Variants in THRAP3 observed in about 807,000 individuals in gnomAD.
The protein encoded by THRAP3 is thyroid hormone receptor-associated protein 3.
A neutral mutation model predicts 101.0 loss-of-function variants in THRAP3; 16 were observed. The ratio of observed to expected loss-of-function variants is 0.16; its 90% CI spans 0.11 to 0.24. The LOEUF is 0.24. Ranked by LOEUF, THRAP3 falls within the 10% of genes least tolerant of loss-of-function variation. THRAP3 has a pLI of 1.00. For synonymous variants in THRAP3, 407 were observed against 422.6 expected (o/e 0.96, Z 0.45); for missense variants, 989 against 1,202.7 (o/e 0.82, Z 2.63).
chr1:36,216,716 C>A, the THRAP3 span, among the ~76,000 whole-genome samples: 1 of 151,750 alleles, frequency 6.6e-6, no homozygotes, highest in Non-Finnish European at 1.5e-5. Flanking sequence ...GCCCAGGAGG[C>A]TGCAGTGAGC....
At position 36,299,571 on chromosome 1, in the gene THRAP3, G is replaced by A. The variant is rs548980689; in HGVS notation, c.2304-1315G>A. 2.7e-5 allele frequency among the ~76,000 whole-genome samples: 4 copies of A among 150,934 alleles called. No homozygotes were observed. The East Asian group carries it at 8.1e-4, about 31-fold the overall frequency. On this transcript the variant is annotated intron_variant, in intron 9 of 11. Coordinates refer to ENST00000354618, the MANE Select transcript of THRAP3 (RefSeq NM_005119.4). ...GCTGGAGTGCAATGATATGATCTCG[G>A]CTCACTGCAACCTCTGCCTCCTGGG...
chr1:36,278,643 G>A (rs913037330), intron 2 of THRAP3, among the ~76,000 whole-genome samples: 1 of 152,148 alleles, frequency 6.6e-6, no homozygotes, highest in African/African-American at 2.4e-5. Context: ...CTGTCCTTGT[G>A]CCAGGCGTGG....
At chr1:36,250,214 CTTTT>C (rs55959529) in intron 1 of THRAP3, among the ~76,000 whole-genome samples, 4 of 140,552 alleles carry the variant, frequency 2.8e-5, no homozygotes, top group Admixed American at 7.2e-5. Flanking sequence ...ATTAGGCATA[CTTTT>C]TTTTTTTTTT....
intron 1 of THRAP3, among the ~76,000 whole-genome samples, chr1:36,257,719 A>G (rs970346591): frequency 3.9e-5 from 6 of 152,244 alleles, no homozygotes; most frequent in Non-Finnish European, 1.5e-5. Context: ...ATTCTTGCCA[A>G]TATCCAAGAA....
chr1:36,234,059 A>G (rs1308684769), intron 1 of THRAP3, among the ~76,000 whole-genome samples: 5 of 151,938 alleles, frequency 3.3e-5, no homozygotes, highest in African/African-American at 1.2e-4. Context: ...GGGCCCAGGG[A>G]GTCCTCCCAC....
chr1:36,220,424 C>T (rs1280575983), upstream of THRAP3, among the ~76,000 whole-genome samples: 1 of 152,054 alleles, frequency 6.6e-6, no homozygotes, highest in Non-Finnish European at 1.5e-5. Context: ...ACCCATAATC[C>T]CAGCACTTTG....
the THRAP3 span, among the ~76,000 whole-genome samples, chr1:36,215,148 CGA>C: frequency 2.0e-5 from 3 of 151,746 alleles, no homozygotes; most frequent in Non-Finnish European, 2.9e-5. Context: ...GGCATGAACC[CGA>C]GAGGTGGGGC....
chr1:36,263,584 A>G lies in THRAP3; in HGVS notation c.-32+4100A>G, dbSNP rs535969319. On this transcript the variant is annotated intron_variant, in intron 2 of 11. Transcript: ENST00000354618. ...AGAATTGAGAAGAAAATATTCCCCA[A>G]TGGTAACATACTCATTTAAAATGGG... Among the ~76,000 whole-genome samples, 10 of 152,286 alleles carry G rather than the reference A, an allele frequency of 6.6e-5. No homozygotes were observed. In the South Asian group the frequency reaches 1.0e-3, roughly 16 times the overall value.
chr1:36,298,408 C>T (rs977410493), intron 9 of THRAP3, among the ~76,000 whole-genome samples: 1 of 152,204 alleles, frequency 6.6e-6, no homozygotes, highest in Admixed American at 6.5e-5. Context: ...CTCTGATTTC[C>T]TCTCCCTGGA....
intron 8 of THRAP3, among the ~76,000 whole-genome samples, chr1:36,296,364 C>G (rs1185423188): frequency 6.6e-6 from 1 of 152,174 alleles, no homozygotes; most frequent in African/African-American, 2.4e-5. Flanking sequence ...AGAAGGCCAG[C>G]ATCATTGTTT....
At chr1:36,288,093 A>G in intron 4 of THRAP3, 1 of 984,874 alleles carries the variant, frequency 1.0e-6, no homozygotes. Flanking sequence ...TTCTGCATTA[A>G]TGGTACAGAT....
intron 2 of THRAP3, among the ~76,000 whole-genome samples, chr1:36,275,817 TC>T: frequency 6.6e-6 from 1 of 151,362 alleles, no homozygotes; most frequent in African/African-American, 2.4e-5. Flanking sequence ...GCCCAGGAGT[TC>T]CAGACCAGTC....
upstream of THRAP3, among the ~76,000 whole-genome samples, chr1:36,223,569 C>T (rs1405340194): frequency 1.3e-5 from 2 of 152,182 alleles, no homozygotes; most frequent in Non-Finnish European, 2.9e-5. Flanking sequence ...TTCAGAGACA[C>T]TAGAGCAGAA....
At chr1:36,252,647 C>T (rs113598400) in intron 1 of THRAP3, among the ~76,000 whole-genome samples, 10 of 152,030 alleles carry the variant, frequency 6.6e-5, no homozygotes, top group African/African-American at 2.2e-4. Flanking sequence ...GTGCCTCACA[C>T]CTGCAATCCC....
chr1:36,231,222 G>C (rs1237634250), intron 1 of THRAP3, among the ~76,000 whole-genome samples: 1 of 151,972 alleles, frequency 6.6e-6, no homozygotes, highest in East Asian at 1.9e-4. Flanking sequence ...ATTTTAGGCA[G>C]CTTTGAAAGA....
At chr1:36,291,245 T>A in intron 5 of THRAP3, 129 bp from the exon 6 acceptor site, 3 of 984,440 alleles carry the variant, frequency 3.0e-6, no homozygotes, top group Non-Finnish European at 4.4e-6. Context: ...TGAGGGTTAC[T>A]TTCAACTTCG....
At position 36,278,963 on chromosome 1, in the gene THRAP3, C is replaced by T. The variant is rs1214885290; in HGVS notation, c.-31-3570C>T. ...AAATAAAAATAAAATAAAATAAATA[C>T]ATAAATAAAATAATTAGTTTCAATT... On this transcript the variant is annotated intron_variant, in intron 2 of 11. Coordinates refer to ENST00000354618, the MANE Select transcript of THRAP3 (RefSeq NM_005119.4). Among the ~76,000 whole-genome samples, 8 of 151,806 alleles carry T rather than the reference C, an allele frequency of 5.3e-5. No individual in the cohort carries two copies. In the East Asian group the frequency reaches 1.2e-3, roughly 22 times the overall value.
rs202131608 is a variant in THRAP3, at chr1:36,289,560, G to C, written c.1541G>C (p.Gly514Ala). The change falls in exon 5 of 12, where the codon GGC becomes GCC. Residue 514 changes from glycine to alanine, a missense_variant. Physicochemically the swap from Gly to Ala is moderately conservative, Grantham distance 60. Coordinates refer to ENST00000354618, the MANE Select transcript of THRAP3 (RefSeq NM_005119.4). ...AAGAGAAGCGAAGGTGGGCACAGGG[G>C]CTTTGTGCCTGAGAAGAATTTCCGA... ...RGKRSEGGHR[G>A]FVPEKNFRVT... 1 of 1,614,074 alleles carries C rather than the reference G, an allele frequency of 6.2e-7. No individual in the cohort carries two copies. Among genetic ancestry groups the C allele is most frequent in the Admixed American group, 1.7e-5 (1 of 59,988 alleles).
chr1:36,223,805 T>C (rs1019035827), upstream of THRAP3, among the ~76,000 whole-genome samples: 6 of 152,136 alleles, frequency 3.9e-5, no homozygotes, highest in African/African-American at 1.2e-4. Context: ...AGGCGGTTTC[T>C]GGGTCTCCGA....
Sources: allele counts gnomAD v4.1 joint callset (sites outside exome capture counted in the v4.1 genomes callset), GRCh38; gene constraint gnomAD v4.1.1; transcripts MANE v1.5; gene names NCBI Gene and HGNC (gene_info 2026-07-23, HGNC 2026-07-21).